The following PAK5 variants were observed in gnomAD, a reference collection of about 807,000 sequenced individuals.
PAK5 encodes p21 (RAC1) activated kinase 5, also known as serine/threonine-protein kinase PAK 5.
A neutral mutation model predicts 65.9 loss-of-function variants in PAK5; 16 were observed. The ratio of observed to expected loss-of-function variants is 0.24; its 90% CI spans 0.16 to 0.37. The LOEUF is 0.37. Among genes scored for constraint, PAK5 ranks in the 10% least tolerant of loss-of-function variants. The pLI is 1.00. For synonymous variants in PAK5, 371 were observed against 354.9 expected, an observed-to-expected ratio of 1.05 and a Z score of -0.51; for missense variants, 785 against 903.9, an observed-to-expected ratio of 0.87 and a Z score of 1.69.
At position 9,548,370 on chromosome 20, in the gene PAK5, T is replaced by C. The variant is rs147668064; in HGVS notation, c.1744-3876A>G. Among the ~76,000 whole-genome samples, 790 of 122,952 alleles carry C rather than the reference T, an allele frequency of 6.4e-3. 4 individuals are homozygous for C. Among genetic ancestry groups the C allele is most frequent in the East Asian group, 0.063 (163 of 2,578 alleles). The allele number at this position is 122,952 out of a possible 152,430, so 80.7% of individuals were successfully genotyped here. ...CAGGAGCCCACGTTGATCACTCTCT[T>C]TTTTTTTTTAATTTATTATTATTAT... On this transcript the variant is annotated intron_variant, in intron 7 of 9. Transcript: ENST00000353224.
At chr20:9,673,571 G>A (rs185675810) in intron 2 of PAK5, among the ~76,000 whole-genome samples, 22 of 152,234 alleles carry the variant, frequency 1.4e-4, no homozygotes, top group Admixed American at 2.6e-4. Context: ...AGCCTTGGAG[G>A]TTATATGTTA....
chr20:9,650,180 C>T (rs1600196853), intron 2 of PAK5, among the ~76,000 whole-genome samples: 1 of 152,200 alleles, frequency 6.6e-6, no homozygotes, highest in African/African-American at 2.4e-5. Flanking sequence ...GAAAGCCCTA[C>T]AAGGGACTGG....
chr20:9,557,622 T>C lies in PAK5; in HGVS notation c.1729A>G (p.Thr577Ala), dbSNP rs2045528118. Reference protein sequence around the residue: ...RDIKSDSILLTSDGRIKLSDF... With the variant: ...RDIKSDSILLASDGRIKLSDF... ...GAACATCTTACCCGGCCATCGCTTG[T>C]CAGGAGGATGGAGTCACTTTTTATG... The change falls in exon 7 of 10, where the codon ACA becomes GCA. Residue 577 changes from threonine (T) to alanine (A), a missense_variant. Coordinates refer to ENST00000353224, the MANE Select transcript of PAK5 (RefSeq NM_177990.4). 2 of 1,610,706 alleles carry C rather than the reference T, an allele frequency of 1.2e-6. No homozygotes were observed. Among genetic ancestry groups the C allele is most frequent in the Non-Finnish European group, 1.7e-6 (2 of 1,178,600 alleles).
chr20:9,644,074 A>G (rs1358286210), intron 3 of PAK5, 51 bp downstream of exon 3: 3 of 1,406,286 alleles, frequency 2.1e-6, no homozygotes. Flanking sequence ...GCAGTGCATT[A>G]AATAAGAGCA....
intron 7 of PAK5, among the ~76,000 whole-genome samples, chr20:9,549,011 T>C (rs2045386973): frequency 6.6e-6 from 1 of 152,104 alleles, no homozygotes; most frequent in Non-Finnish European, 1.5e-5. Context: ...CCCAGAGGAC[T>C]CAGATCATAG....
At position 9,580,267 on chromosome 20, in the gene PAK5, A is replaced by G; in HGVS notation, c.868T>C (p.Ser290Pro). 1 of 1,614,100 alleles carries G rather than the reference A, an allele frequency of 6.2e-7. No homozygotes were observed. The highest frequency in any genetic ancestry group is 1.7e-5 in the Admixed American group (1 of 60,010). Reference protein sequence around the residue: ...PTMRQRSRSGSGLQEPMMPFG... With the variant: ...PTMRQRSRSGPGLQEPMMPFG... ...GGCATCATCGGTTCCTGGAGTCCCG[A>G]GCCTGACCTGGACCTCTGCCGCATG... The change falls in exon 4 of 10, where the codon TCG becomes CCG. Residue 290 changes from serine (S) to proline (P), a missense_variant. This residue lies in a region of PAK5 where 422 missense variants were observed against 413.3 expected (regional missense o/e 1.02). Transcript: ENST00000353224.
chr20:9,567,417 C>T (rs939766297), intron 4 of PAK5, among the ~76,000 whole-genome samples: 6 of 152,194 alleles, frequency 3.9e-5, no homozygotes, highest in African/African-American at 9.6e-5. Flanking sequence ...ATAGTAGCTA[C>T]AAGCTACACG....
At chr20:9,759,410 A>G (rs1393522263) in intron 1 of PAK5, among the ~76,000 whole-genome samples, 1 of 152,168 alleles carries the variant, frequency 6.6e-6, no homozygotes, top group Non-Finnish European at 1.5e-5. Flanking sequence ...TCATCTTTTG[A>G]GAAGTATTCA....
intron 1 of PAK5, among the ~76,000 whole-genome samples, chr20:9,739,397 G>A (rs1385203119): frequency 6.6e-6 from 1 of 152,038 alleles, no homozygotes; most frequent in African/African-American, 2.4e-5. Context: ...TGCATTTGGA[G>A]TGCAACTCAT....
At position 9,832,872 on chromosome 20, in the gene PAK5, A is replaced by G. The variant is rs537394742; in HGVS notation, c.-162+5890T>C. On this transcript the variant is annotated intron_variant, in intron 1 of 9. Transcript: ENST00000353224. ...TCTATTGGGGTGCTATTGTTTACTC[A>G]CTGATTTGCAAGAGTTCCTCAGGGC... 1.1e-4 allele frequency among the ~76,000 whole-genome samples: 16 copies of G among 152,212 alleles called. No homozygotes were observed. The South Asian group carries it at 3.3e-3, about 32-fold the overall frequency.
intron 1 of PAK5, among the ~76,000 whole-genome samples, chr20:9,835,080 C>T (rs113928663): frequency 6.6e-6 from 1 of 152,152 alleles, no homozygotes; most frequent in Non-Finnish European, 1.5e-5. Context: ...TTCTAAATTG[C>T]TCTTTCTATA....
intron 2 of PAK5, among the ~76,000 whole-genome samples, chr20:9,665,348 C>A (rs1412521469): frequency 4.6e-5 from 7 of 152,114 alleles, no homozygotes; most frequent in Non-Finnish European, 1.0e-4. Flanking sequence ...TCCCCTGGGC[C>A]CACAAATCCA....
intron 2 of PAK5, among the ~76,000 whole-genome samples, chr20:9,659,692 T>C (rs933476329): frequency 3.9e-5 from 6 of 152,212 alleles, no homozygotes; most frequent in Admixed American, 3.3e-4. Flanking sequence ...AGTTAAATAC[T>C]ACAAAGTTGT....
intron 3 of PAK5, among the ~76,000 whole-genome samples, chr20:9,642,001 G>C (rs1457147023): frequency 6.6e-6 from 1 of 152,294 alleles, no homozygotes; most frequent in Non-Finnish European, 1.5e-5. Context: ...CTGAGGGAGT[G>C]GGCTCCAGCC....
At chr20:9,717,655 T>C (rs1207930763) in intron 1 of PAK5, among the ~76,000 whole-genome samples, 1 of 152,236 alleles carries the variant, frequency 6.6e-6, no homozygotes, top group East Asian at 1.9e-4. Context: ...AGTCTCATTC[T>C]GTTGCCCAGG....
At chr20:9,584,664 C>T (rs964689640) in intron 3 of PAK5, among the ~76,000 whole-genome samples, 1 of 152,206 alleles carries the variant, frequency 6.6e-6, no homozygotes, top group Admixed American at 6.5e-5. Flanking sequence ...TCTTAGACAT[C>T]TGTTCTGCTT....
chr20:9,643,838 CT>C (rs1222443523), intron 3 of PAK5, among the ~76,000 whole-genome samples: 1 of 152,120 alleles, frequency 6.6e-6, no homozygotes, highest in Non-Finnish European at 1.5e-5. Flanking sequence ...AGTATAAAGT[CT>C]AACAAAAACA....
rs761795699 is a variant in PAK5 at position 9,566,348 on chromosome 20, G to C, written c.1027C>G (p.Pro343Ala). ...GGGTAGGTGTCAGACCCTGACAGTG[G>C]AGGGCTGAGGACCATCTGTGCTCGA... ...YDRAQMVLSP[P>A]LSGSDTYPRG... The change falls in exon 5 of 10, where the codon CCA becomes GCA. Residue 343 changes from proline to alanine, a missense_variant. Transcript: ENST00000353224. 2 of 1,613,190 alleles carry C rather than the reference G, an allele frequency of 1.2e-6. No individual in the cohort carries two copies. Among genetic ancestry groups the C allele is most frequent in the African/African-American group, 1.3e-5 (1 of 74,896 alleles).
At chr20:9,691,561 G>A (rs1048510711) in intron 2 of PAK5, among the ~76,000 whole-genome samples, 5 of 152,052 alleles carry the variant, frequency 3.3e-5, no homozygotes, top group Non-Finnish European at 7.4e-5. Flanking sequence ...TTTTGCATAG[G>A]TGTCCTTTCC....
Sources: allele counts gnomAD v4.1 joint callset (sites outside exome capture counted in the v4.1 genomes callset), GRCh38; gene constraint gnomAD v4.1.1; regional missense constraint gnomAD v4.1.1; transcripts MANE v1.5; gene names NCBI Gene and HGNC (gene_info 2026-07-23, HGNC 2026-07-21).